FAM110B: variants seen among roughly 807,000 people sequenced by gnomAD.
FAM110B encodes family with sequence similarity 110 member B.
In FAM110B, 6 loss-of-function variants were observed where a neutral mutation model predicts 20.4. That is an observed-to-expected ratio of 0.29 (90% CI 0.16 to 0.58). The LOEUF is 0.58. FAM110B is among the 20% of genes least tolerant of loss of function. FAM110B has a pLI of 0.90. For missense variants in FAM110B, 434 were observed against 498.2 expected (o/e 0.87, Z 1.23); for synonymous variants, 226 against 214.1 (o/e 1.06, Z -0.49).
At chr8:58,116,092 G>GTACA (rs1385774618) in intron 3 of FAM110B, among the ~76,000 whole-genome samples, 1 of 152,066 alleles carries the variant, frequency 6.6e-6, no homozygotes, top group Non-Finnish European at 1.5e-5. Context: ...ACATACATAC[G>GTACA]TACATACATA....
intron 3 of FAM110B, among the ~76,000 whole-genome samples, chr8:58,128,777 A>G (rs72662411): frequency 0.055 from 8,384 of 152,278 alleles, 356 homozygotes; most frequent in African/African-American, 0.11. Flanking sequence ...GAAAAATGAG[A>G]AATTGCATTT....
At chr8:58,115,697 C>T (rs1409629777) in intron 3 of FAM110B, among the ~76,000 whole-genome samples, 3 of 152,132 alleles carry the variant, frequency 2.0e-5, no homozygotes, top group Admixed American at 1.3e-4. Context: ...TCTAAGAGCA[C>T]CTTGGGACTT....
intron 3 of FAM110B, among the ~76,000 whole-genome samples, chr8:58,103,822 T>C (rs1343566768): frequency 6.6e-6 from 1 of 152,200 alleles, no homozygotes; most frequent in East Asian, 1.9e-4. Context: ...TTAATGACTT[T>C]TTTTGAAGTT....
intron 1 of FAM110B, among the ~76,000 whole-genome samples, chr8:58,022,982 ATC>A (rs1240027121): frequency 2.6e-5 from 4 of 152,222 alleles, no homozygotes; most frequent in Non-Finnish European, 4.4e-5. Flanking sequence ...GAGTCCCTGC[ATC>A]TGATGTTGAA....
intron 2 of FAM110B, among the ~76,000 whole-genome samples, chr8:58,038,129 G>T (rs1291417786): frequency 6.6e-6 from 1 of 152,206 alleles, no homozygotes; most frequent in Non-Finnish European, 1.5e-5. Flanking sequence ...TTGAGAAAGC[G>T]TGTGGTCCTC....
At chr8:57,998,677 A>G (rs549268375) in intron 1 of FAM110B, among the ~76,000 whole-genome samples, 1 of 152,342 alleles carries the variant, frequency 6.6e-6, no homozygotes, top group South Asian at 2.1e-4. Context: ...CTAGACTTTG[A>G]AAGGATAAGT....
chr8:58,119,496 A>G (rs1807301451), intron 3 of FAM110B, among the ~76,000 whole-genome samples: 2 of 152,202 alleles, frequency 1.3e-5, no homozygotes, highest in Admixed American at 1.3e-4. Flanking sequence ...ATACTGTTGC[A>G]CTGGGGGTTA....
intron 3 of FAM110B, among the ~76,000 whole-genome samples, chr8:58,130,483 C>T (rs772776698): frequency 2.0e-5 from 3 of 152,148 alleles, no homozygotes; most frequent in Admixed American, 2.0e-4. Flanking sequence ...GCCTTTCCTC[C>T]TTATAGGCAC....
At chr8:58,119,845 C>T (rs1017314276) in intron 3 of FAM110B, among the ~76,000 whole-genome samples, 1 of 152,196 alleles carries the variant, frequency 6.6e-6, no homozygotes, top group African/African-American at 2.4e-5. Context: ...CAGATTATCT[C>T]ATTCTACATC....
chr8:58,061,747 C>T (rs540743008), intron 2 of FAM110B, among the ~76,000 whole-genome samples: 3 of 152,292 alleles, frequency 2.0e-5, no homozygotes, highest in Non-Finnish European at 4.4e-5. Context: ...CCCATGTGCT[C>T]CTTCTCCCAG....
intron 2 of FAM110B, among the ~76,000 whole-genome samples, chr8:58,073,084 A>G (rs973134056): frequency 1.3e-5 from 2 of 152,196 alleles, no homozygotes; most frequent in Admixed American, 6.5e-5. Flanking sequence ...ATATGTAAAG[A>G]GATATTAGGC....
At chr8:58,144,822 G>A (rs1281369625) in intron 3 of FAM110B, among the ~76,000 whole-genome samples, 1 of 152,122 alleles carries the variant, frequency 6.6e-6, no homozygotes, top group Admixed American at 6.5e-5. Flanking sequence ...TTGTTTCCAG[G>A]GGCTGCAGGG....
Position 58,147,139 on chromosome 8 carries a change from A to C in FAM110B, c.909A>C (p.Ile303=), listed in dbSNP as rs1803886703. The C allele has an allele frequency of 1.2e-6, 2 of 1,614,178 alleles. No homozygotes were observed. Among genetic ancestry groups the C allele is most frequent in the Non-Finnish European group, 1.7e-6 (2 of 1,180,042 alleles). ...MENFARANSD[I]ISLNFRSASM... ...ACTTTGCAAGGGCTAATTCTGACAT[A>C]ATATCCCTCAACTTCCGCAGCGCAA... Residue 303 remains isoleucine (I), a synonymous_variant, in exon 4 of 4, where the codon ATA becomes ATC. Transcript: ENST00000519262.
At chr8:58,112,243 C>T (rs936869193) in intron 3 of FAM110B, among the ~76,000 whole-genome samples, 17 of 152,124 alleles carry the variant, frequency 1.1e-4, no homozygotes, top group East Asian at 3.8e-4. Context: ...GCAGGAGAAT[C>T]GCTTGAACCC....
In FAM110B at chr8:58,084,137, G is replaced by A. The variant is rs1417649704; in HGVS notation, c.-325+8514G>A. ...TCTTTCCTGAGGTCAGCAGGCTACT[G>A]AATTGTGCTTATGACCAAGACCTTG... On this transcript the variant is annotated intron_variant, in intron 3 of 3. Coordinates refer to ENST00000519262, the MANE Select transcript of FAM110B (RefSeq NM_001377989.1). 2.0e-5 allele frequency among the ~76,000 whole-genome samples: 3 copies of A among 152,136 alleles called. No individual in the cohort carries two copies. The East Asian group carries it at 5.8e-4, about 29-fold the overall frequency.
intron 3 of FAM110B, among the ~76,000 whole-genome samples, chr8:58,082,607 G>A (rs888248093): frequency 2.0e-5 from 3 of 152,150 alleles, no homozygotes; most frequent in African/African-American, 7.2e-5. Context: ...CTATAAGCAA[G>A]TTGGGGGTAA....
At chr8:58,122,845 C>T (rs1266561834) in intron 3 of FAM110B, among the ~76,000 whole-genome samples, 4 of 151,152 alleles carry the variant, frequency 2.6e-5, no homozygotes, top group African/African-American at 9.7e-5. Flanking sequence ...GTTCCTAAAA[C>T]TCAGAGCGGA....
intron 3 of FAM110B, chr8:58,106,364 T>C (rs990322944): frequency 3.9e-5 from 6 of 152,162 alleles, no homozygotes; most frequent in South Asian, 2.1e-4. Flanking sequence ...TGTCCTTGTG[T>C]TGCCTCCCCA....
At chr8:58,016,196 T>C (rs977125412) in intron 1 of FAM110B, among the ~76,000 whole-genome samples, 1 of 152,200 alleles carries the variant, frequency 6.6e-6, no homozygotes, top group Admixed American at 6.5e-5. Flanking sequence ...AATAAATGCT[T>C]TTAGAAAATG....
Sources: gnomAD v4.1 joint callset for allele counts (sites outside exome capture counted in the v4.1 genomes callset) on GRCh38, gnomAD v4.1.1 for gene constraint, MANE v1.5 for transcripts, NCBI Gene and HGNC (gene_info 2026-07-23, HGNC 2026-07-21) for gene names.